LRRC4C: variants seen among roughly 807,000 people sequenced by gnomAD.
LRRC4C encodes leucine rich repeat containing 4C.
LRRC4C carries 5 observed loss-of-function variants against 33.6 expected under a neutral mutation model. The ratio of observed to expected loss-of-function variants is 0.15; its 90% CI spans 0.08 to 0.31. The LOEUF is 0.31. LRRC4C is among the 10% of genes least tolerant of loss of function. LRRC4C has a pLI of 1.00. For missense variants in LRRC4C, 560 were observed against 796.7 expected (o/e 0.70, Z 3.58); for synonymous variants, 329 against 302.0 (o/e 1.09, Z -0.93).
chr11:40,798,145 A>G (rs1048421970), intron 2 of LRRC4C, among the ~76,000 whole-genome samples: 1 of 152,240 alleles, frequency 6.6e-6, no homozygotes, highest in Non-Finnish European at 1.5e-5. Flanking sequence ...AGAGGTCTGC[A>G]TGTGTAAGAT....
intron 3 of LRRC4C, among the ~76,000 whole-genome samples, chr11:40,369,290 T>C (rs1217069903): frequency 1.3e-5 from 2 of 152,220 alleles, no homozygotes; most frequent in East Asian, 1.9e-4. Flanking sequence ...AATGTCTCAA[T>C]GTTCCTTGTC....
At chr11:40,433,049 T>G (rs1950998381) in intron 3 of LRRC4C, among the ~76,000 whole-genome samples, 1 of 152,156 alleles carries the variant, frequency 6.6e-6, no homozygotes, top group African/African-American at 2.4e-5. Context: ...ATTATTTAAC[T>G]TACTAAACCA....
At chr11:40,758,748 G>A (rs1462865408) in intron 2 of LRRC4C, among the ~76,000 whole-genome samples, 1 of 151,852 alleles carries the variant, frequency 6.6e-6, no homozygotes, top group Non-Finnish European at 1.5e-5. Flanking sequence ...GCATCAAACT[G>A]GTTCTTCCAT....
intron 1 of LRRC4C, chr11:41,394,460 C>A (rs921105027): frequency 6.6e-6 from 1 of 151,862 alleles, no homozygotes; most frequent in African/African-American, 2.4e-5. Flanking sequence ...GGGTGACATA[C>A]CTTTCTTTCT....
intron 3 of LRRC4C, among the ~76,000 whole-genome samples, chr11:40,523,478 C>G (rs974856134): frequency 6.6e-6 from 1 of 150,568 alleles, no homozygotes; most frequent in Non-Finnish European, 1.5e-5. Flanking sequence ...TGCAGTCTTA[C>G]TGATTTCTAT....
intron 6 of LRRC4C, among the ~76,000 whole-genome samples, chr11:40,124,657 G>A (rs1185045438): frequency 6.6e-6 from 1 of 152,098 alleles, no homozygotes; most frequent in African/African-American, 2.4e-5. Flanking sequence ...TCAGAGACTG[G>A]GAAGCATAGT....
At chr11:41,402,481 G>A (rs1268690908) in intron 1 of LRRC4C, among the ~76,000 whole-genome samples, 6 of 152,048 alleles carry the variant, frequency 3.9e-5, no homozygotes, top group Non-Finnish European at 8.8e-5. Context: ...TTACTGAAGA[G>A]CTACTCAGTG....
chr11:41,192,058 A>G (rs76849856), intron 1 of LRRC4C, among the ~76,000 whole-genome samples: 1 of 152,260 alleles, frequency 6.6e-6, no homozygotes, highest in African/African-American at 2.4e-5. Flanking sequence ...ATAGCCACAC[A>G]GCACATCACT....
chr11:41,249,034 GTCT>G (rs1205047610), intron 1 of LRRC4C, among the ~76,000 whole-genome samples: 5 of 145,394 alleles, frequency 3.4e-5, no homozygotes, highest in African/African-American at 1.3e-4. Context: ...TTAAGATACT[GTCT>G]TCTTTTTTTT....
chr11:40,559,117 T>A (rs1254734768), intron 3 of LRRC4C, among the ~76,000 whole-genome samples: 1 of 152,124 alleles, frequency 6.6e-6, no homozygotes, highest in Non-Finnish European at 1.5e-5. Context: ...TGATGGACAT[T>A]TAGGTTGATT....
At chr11:40,239,731 G>A (rs976329311) in intron 5 of LRRC4C, among the ~76,000 whole-genome samples, 2 of 152,268 alleles carry the variant, frequency 1.3e-5, no homozygotes, top group Non-Finnish European at 2.9e-5. Context: ...AGTAAAAGCC[G>A]AATGTTTTCT....
Position 41,181,487 on chromosome 11 carries a change from T to C in LRRC4C, c.-495-247764A>G, listed in dbSNP as rs116696072. On this transcript the variant is annotated intron_variant, in intron 1 of 6. Transcript: ENST00000528697. Reference sequence around the variant, plus strand: ...CCCTACACTCAAGAACTAACTGCTGTTATATAGGATCCCCAAGCTCTGCTG... The same window carrying C: ...CCCTACACTCAAGAACTAACTGCTGCTATATAGGATCCCCAAGCTCTGCTG... Among the ~76,000 whole-genome samples the C allele has an allele frequency of 7.0e-3, 1,064 of 152,280 alleles. 8 individuals carry two copies. The highest frequency in any genetic ancestry group is 0.024 in the African/African-American group (995 of 41,558).
At chr11:40,325,634 A>T (rs1484898955) in intron 3 of LRRC4C, among the ~76,000 whole-genome samples, 1 of 149,086 alleles carries the variant, frequency 6.7e-6, no homozygotes, top group Non-Finnish European at 1.5e-5. Flanking sequence ...TATCAAAAGA[A>T]AAAAAAAAAA....
intron 4 of LRRC4C, among the ~76,000 whole-genome samples, chr11:40,285,015 C>A (rs1943738827): frequency 6.6e-6 from 1 of 152,116 alleles, no homozygotes; most frequent in Admixed American, 6.5e-5. Context: ...CCTCCACCAA[C>A]AAGAGGCACT....
intron 2 of LRRC4C, among the ~76,000 whole-genome samples, chr11:40,900,838 A>G (rs2136187508): frequency 6.6e-6 from 1 of 152,126 alleles, no homozygotes; most frequent in Admixed American, 6.5e-5. Flanking sequence ...AATATCTGTG[A>G]GGTTAATTTG....
At chr11:40,922,892 C>T (rs1380346972) in intron 2 of LRRC4C, among the ~76,000 whole-genome samples, 1 of 152,086 alleles carries the variant, frequency 6.6e-6, no homozygotes, top group Non-Finnish European at 1.5e-5. Context: ...GTGGCGCAAA[C>T]TCTGCTCACT....
At chr11:40,595,168 A>G (rs1426427686) in intron 3 of LRRC4C, among the ~76,000 whole-genome samples, 6 of 152,144 alleles carry the variant, frequency 3.9e-5, no homozygotes, top group African/African-American at 1.4e-4. Flanking sequence ...GCTCAAAAAA[A>G]GAAGGAGACG....
At chr11:40,526,603 A>G (rs982095518) in intron 3 of LRRC4C, among the ~76,000 whole-genome samples, 1 of 152,156 alleles carries the variant, frequency 6.6e-6, no homozygotes, top group Non-Finnish European at 1.5e-5. Context: ...AAACAATGCT[A>G]TTGGGAGCAT....
intron 1 of LRRC4C, among the ~76,000 whole-genome samples, chr11:41,377,443 C>T (rs1952978161): frequency 6.6e-6 from 1 of 152,098 alleles, no homozygotes; most frequent in African/African-American, 2.4e-5. Flanking sequence ...CTTAGATTAG[C>T]AGTAGCATGG....
Sources: allele counts gnomAD v4.1 joint callset (sites outside exome capture counted in the v4.1 genomes callset), GRCh38; gene constraint gnomAD v4.1.1; transcripts MANE v1.5; gene names NCBI Gene and HGNC (gene_info 2026-07-23, HGNC 2026-07-21).